The following SLC8A1 variants were observed in gnomAD, a reference collection of about 807,000 sequenced individuals.
The protein encoded by SLC8A1 is solute carrier family 8 member A1.
Under a neutral mutation model 68.3 loss-of-function variants are expected in SLC8A1, and 18 were observed. The ratio of observed to expected loss-of-function variants is 0.26; its 90% CI spans 0.18 to 0.39. The LOEUF (loss-of-function observed/expected upper bound fraction) is 0.39. Among genes scored for constraint, SLC8A1 ranks in the 10% least tolerant of loss-of-function variants. The probability of loss-of-function intolerance (pLI) is 1.00; values close to 1 mark genes in which losing one functional copy is unlikely to be tolerated. For synonymous variants in SLC8A1, 475 were observed against 415.5 expected (o/e 1.14, Z -1.74); for missense variants, 985 against 1,156.7 (o/e 0.85, Z 2.15).
At chr2:40,174,627 G>A in intron 4 of SLC8A1, 79 bp downstream of exon 6, 1 of 1,274,896 alleles carries the variant, frequency 7.8e-7, no homozygotes, top group Non-Finnish European at 1.1e-6. Flanking sequence ...ATTAATGCAA[G>A]TTACATAAGA....
intron 1 of SLC8A1, among the ~76,000 whole-genome samples, chr2:40,480,965 T>C (rs1056318752): frequency 6.6e-6 from 1 of 152,172 alleles, no homozygotes; most frequent in Admixed American, 6.5e-5. Flanking sequence ...TAAAAGATCA[T>C]AACCACAACC....
chr2:40,428,090 G>T (rs1407522962), intron 2 of SLC8A1, among the ~76,000 whole-genome samples: 1 of 152,076 alleles, frequency 6.6e-6, no homozygotes, highest in Admixed American at 6.6e-5. Flanking sequence ...GAGACCTATT[G>T]TGATGTTTTA....
intron 2 of SLC8A1, among the ~76,000 whole-genome samples, chr2:40,224,304 G>C (rs965045679): frequency 6.6e-6 from 1 of 152,114 alleles, no homozygotes; most frequent in Admixed American, 6.5e-5. Flanking sequence ...GGCAGAGTCA[G>C]AGAGGCCAAC....
At chr2:40,263,867 AGAG>A (rs2065021914) in intron 2 of SLC8A1, among the ~76,000 whole-genome samples, 2 of 152,250 alleles carry the variant, frequency 1.3e-5, no homozygotes, top group Non-Finnish European at 2.9e-5. Context: ...ATTAAACTAA[AGAG>A]CTTGTGCACA....
chr2:40,209,902 G>A (rs1175377132), intron 2 of SLC8A1: 2 of 152,260 alleles, frequency 1.3e-5, no homozygotes, highest in African/African-American at 4.8e-5. Context: ...ATGGACTAGG[G>A]AAATACAGAT....
intron 2 of SLC8A1, among the ~76,000 whole-genome samples, chr2:40,268,287 C>A (rs1158876847): frequency 1.3e-5 from 2 of 152,158 alleles, no homozygotes; most frequent in Admixed American, 1.3e-4. Flanking sequence ...CTACACCATA[C>A]TCACTAAAGT....
At chr2:40,464,580 C>T (rs938261119) in intron 1 of SLC8A1, among the ~76,000 whole-genome samples, 1 of 152,176 alleles carries the variant, frequency 6.6e-6, no homozygotes, top group East Asian at 1.9e-4. Context: ...CAGCTTTCTT[C>T]TGTATCATAT....
At chr2:40,288,511 C>G (rs1041446851) in intron 2 of SLC8A1, among the ~76,000 whole-genome samples, 26 of 152,144 alleles carry the variant, frequency 1.7e-4, no homozygotes, top group African/African-American at 6.0e-4. Context: ...CCACTTCTAC[C>G]TCAGCTGAAA....
chr2:40,431,588 G>C (rs539202334), intron 1 of SLC8A1, among the ~76,000 whole-genome samples: 2 of 152,260 alleles, frequency 1.3e-5, no homozygotes, highest in South Asian at 4.1e-4. Context: ...CTGAAGTAGA[G>C]GAAGGTCTGC....
At chr2:40,267,236 G>A (rs138117651) in intron 2 of SLC8A1, among the ~76,000 whole-genome samples, 31 of 152,272 alleles carry the variant, frequency 2.0e-4, no homozygotes, top group South Asian at 4.2e-4. Context: ...TGAGTTATCT[G>A]GATGAGTCTT....
At chr2:40,156,054 A>G (rs2044407254) in intron 6 of SLC8A1, among the ~76,000 whole-genome samples, 1 of 152,204 alleles carries the variant, frequency 6.6e-6, no homozygotes, top group Non-Finnish European at 1.5e-5. Context: ...CCTTCCTTCT[A>G]GAAGAACAGA....
intron 6 of SLC8A1, among the ~76,000 whole-genome samples, chr2:40,159,817 C>T (rs923026164): frequency 3.3e-5 from 5 of 152,182 alleles, no homozygotes; most frequent in African/African-American, 1.2e-4. Flanking sequence ...ACTACCCTCT[C>T]TTCTCACAGC....
chr2:40,356,927 T>C (rs1005561885), intron 2 of SLC8A1, among the ~76,000 whole-genome samples: 1 of 152,182 alleles, frequency 6.6e-6, no homozygotes, highest in Non-Finnish European at 1.5e-5. Flanking sequence ...GCACATGCCA[T>C]GTTTTCTCTG....
chr2:40,223,961 C>T (rs970575310), intron 2 of SLC8A1, among the ~76,000 whole-genome samples: 1 of 151,982 alleles, frequency 6.6e-6, no homozygotes, highest in Non-Finnish European at 1.5e-5. Context: ...CAGGAGGAGC[C>T]TCCAAAAATT....
intron 2 of SLC8A1, among the ~76,000 whole-genome samples, chr2:40,255,754 C>T (rs1477815088): frequency 3.3e-5 from 5 of 152,110 alleles, no homozygotes; most frequent in African/African-American, 4.8e-5. Flanking sequence ...TAGACTATCA[C>T]GGTATCCTTC....
intron 2 of SLC8A1, among the ~76,000 whole-genome samples, chr2:40,366,053 G>C (rs1676088478): frequency 6.6e-6 from 1 of 151,658 alleles, no homozygotes; most frequent in Admixed American, 6.6e-5. Context: ...AGAGAACTAG[G>C]ACTTCATTCT....
intron 2 of SLC8A1, among the ~76,000 whole-genome samples, chr2:40,324,440 C>T (rs367938870): frequency 1.3e-5 from 2 of 152,274 alleles, no homozygotes; most frequent in East Asian, 1.9e-4. Context: ...TCCTGTTGTA[C>T]ACTTAAACAG....
intron 3 of SLC8A1, among the ~76,000 whole-genome samples, chr2:40,175,501 C>G (rs1015038182): frequency 8.4e-6 from 1 of 118,696 alleles, no homozygotes; most frequent in Non-Finnish European, 2.1e-5. Context: ...TGAATACATA[C>G]GTATATGTGT....
intron 7 of SLC8A1, among the ~76,000 whole-genome samples, chr2:40,130,090 A>G (rs1299688320): frequency 6.6e-6 from 1 of 152,218 alleles, no homozygotes; most frequent in Non-Finnish European, 1.5e-5. Context: ...AATAAGGAGT[A>G]TGACTACCAA....
Sources: gnomAD v4.1 joint callset for allele counts (sites outside exome capture counted in the v4.1 genomes callset) on GRCh38, gnomAD v4.1.1 for gene constraint, MANE v1.5 for transcripts, NCBI Gene and HGNC (gene_info 2026-07-23, HGNC 2026-07-21) for gene names.